Variants in ENTPD4 observed in about 807,000 individuals in gnomAD.
ENTPD4 encodes ectonucleoside triphosphate diphosphohydrolase 4.
ENTPD4 carries 60 observed loss-of-function variants against 79.1 expected under a neutral mutation model. That is an observed-to-expected ratio of 0.76 (90% CI 0.62 to 0.94). ENTPD4 has a LOEUF of 0.94. ENTPD4 is among the 40% of genes least tolerant of loss of function. The pLI is 0.00. For synonymous variants in ENTPD4, 276 were observed against 292.0 expected (o/e 0.95, Z 0.56); for missense variants, 772 against 775.1 (o/e 1.00, Z 0.05).
At chr8:23,443,028 G>A (rs1234881238) in intron 6 of ENTPD4, among the ~76,000 whole-genome samples, 1 of 152,070 alleles carries the variant, frequency 6.6e-6, no homozygotes, top group Non-Finnish European at 1.5e-5. Context: ...CCTGAGTCAA[G>A]TCCTTTCTTC....
intron 1 of ENTPD4, among the ~76,000 whole-genome samples, chr8:23,452,599 A>G (rs899644476): frequency 6.6e-6 from 1 of 152,236 alleles, no homozygotes; most frequent in Non-Finnish European, 1.5e-5. Flanking sequence ...GCCAGTCCAC[A>G]CATAAAACAC....
intron 8 of ENTPD4, among the ~76,000 whole-genome samples, chr8:23,441,216 T>C (rs1800662709): frequency 6.6e-6 from 1 of 151,862 alleles, no homozygotes; most frequent in Admixed American, 6.6e-5. Context: ...AAAAAGAATT[T>C]CCCCCAATTC....
intron 2 of ENTPD4, 146 bp downstream of exon 2, chr8:23,449,747 A>C (rs955359165): frequency 1.4e-6 from 1 of 708,892 alleles, no homozygotes; most frequent in Non-Finnish European, 2.6e-6. Flanking sequence ...AAAATACCTC[A>C]CTGGGCCCTG....
At chr8:23,454,921 A>G (rs1421622725) in intron 1 of ENTPD4, among the ~76,000 whole-genome samples, 1 of 152,238 alleles carries the variant, frequency 6.6e-6, no homozygotes, top group Non-Finnish European at 1.5e-5. Flanking sequence ...TTGTCCTTCT[A>G]GCTAAGAATC....
rs188595089 is a variant in ENTPD4 at position 23,453,837 on chromosome 8, A to T, written c.-98+3720T>A. ...TCACTAAAAAATCTATAGGATGGTC[A>T]TCATAGTATTGTGTGGAACAGCAAA... On this transcript the variant is annotated intron_variant, in intron 1 of 12. Coordinates refer to ENST00000358689, the MANE Select transcript of ENTPD4 (RefSeq NM_004901.5). Among the ~76,000 whole-genome samples, 8 of 152,368 alleles carry T rather than the reference A, an allele frequency of 5.3e-5. No individual in the cohort carries two copies. The East Asian group carries it at 1.5e-3, about 29-fold the overall frequency.
chr8:23,435,859 G>C (rs1416102146), intron 10 of ENTPD4, among the ~76,000 whole-genome samples: 2 of 152,194 alleles, frequency 1.3e-5, no homozygotes, highest in Non-Finnish European at 2.9e-5. Flanking sequence ...ACAAGCTACT[G>C]GGATAATAAC....
At chr8:23,435,813 C>A (rs1401756563) in intron 10 of ENTPD4, among the ~76,000 whole-genome samples, 1 of 152,202 alleles carries the variant, frequency 6.6e-6, no homozygotes, top group Non-Finnish European at 1.5e-5. Context: ...ATTTTAGCTA[C>A]TTCAAACTAA....
intron 12 of ENTPD4, 55 bp downstream of exon 12, chr8:23,434,262 C>T (rs1242865510): frequency 1.9e-6 from 3 of 1,600,046 alleles, no homozygotes; most frequent in South Asian, 1.1e-5. Flanking sequence ...CCATGAGGTG[C>T]TGTAACTGCA....
intron 9 of ENTPD4, among the ~76,000 whole-genome samples, chr8:23,437,532 G>C (rs560935228): frequency 3.3e-5 from 5 of 152,282 alleles, no homozygotes; most frequent in African/African-American, 1.2e-4. Context: ...CTGGCAACAA[G>C]GCCTGATGTT....
Position 23,434,450 on chromosome 8 carries a change from A to C in ENTPD4, c.1489T>G (p.Phe497Val), listed in dbSNP as rs900147203. 6.2e-7 allele frequency: 1 copy of C among 1,614,040 alleles called. No homozygotes were observed. The highest frequency in any genetic ancestry group is 1.3e-5 in the African/African-American group (1 of 74,918). The change falls in exon 12 of 13, where the codon TTT becomes GTT. Residue 497 changes from phenylalanine (F) to valine (V), a missense_variant. Coordinates refer to ENST00000358689, the MANE Select transcript of ENTPD4 (RefSeq NM_004901.5). Reference protein sequence around the residue: ...KYQCFKSAWMFEVFHRGFSFP... With the variant: ...KYQCFKSAWMVEVFHRGFSFP... ...GAAAAGCCCCTATGAAACACCTCAA[A>C]CATCCAGGCCGATTTGAAGCACTGA...
chr8:23,432,941 G>A lies in ENTPD4; in HGVS notation c.1836C>T (p.Ala612=), dbSNP rs1319534023. Residue 612 remains alanine, a synonymous_variant, in exon 13 of 13, where the codon GCC becomes GCT. Transcript: ENST00000358689. ...WMEEGLPAQN[A]PGTL ...GTGAGCTGGATCACAAGGTCCCCGG[G>A]GCATTCTGGGCGGGAAGGCCCTCCT... The A allele has an allele frequency of 3.7e-6, 6 of 1,604,334 alleles. No individual in the cohort carries two copies. In the African/African-American group the frequency reaches 4.0e-5, roughly 11 times the overall value.
At chr8:23,440,333 G>A (rs1461935600) in intron 8 of ENTPD4, among the ~76,000 whole-genome samples, 1 of 151,984 alleles carries the variant, frequency 6.6e-6, no homozygotes, top group African/African-American at 2.4e-5. Context: ...GCTTATGGAG[G>A]AACATGCTCA....
At chr8:23,441,817 C>A in intron 7 of ENTPD4, 94 bp from the exon 8 acceptor site, 1 of 1,411,912 alleles carries the variant, frequency 7.1e-7, no homozygotes. Flanking sequence ...CTATTTCAAG[C>A]ATATTCAGGC....
intron 2 of ENTPD4, 54 bp downstream of exon 2, chr8:23,449,839 T>C: frequency 6.9e-7 from 1 of 1,455,806 alleles, no homozygotes; most frequent in East Asian, 2.3e-5. Flanking sequence ...TCTCAAGACC[T>C]GTTTTTGCAT....
intron 4 of ENTPD4, 148 bp from the exon 5 acceptor site, chr8:23,444,754 C>T (rs1416886357): frequency 3.0e-6 from 2 of 677,102 alleles, no homozygotes; most frequent in Non-Finnish European, 5.1e-6. Flanking sequence ...TTCTGCAGAC[C>T]TTACTTAAAT....
At chr8:23,444,246 C>T (rs1475767416) in intron 5 of ENTPD4, among the ~76,000 whole-genome samples, 1 of 152,168 alleles carries the variant, frequency 6.6e-6, no homozygotes, top group Non-Finnish European at 1.5e-5. Context: ...TTTACCGTTG[C>T]CTATAGTCCT....
At chr8:23,441,779 T>C (rs2117288887) in intron 7 of ENTPD4, 56 bp from the exon 8 acceptor site, 1 of 1,564,614 alleles carries the variant, frequency 6.4e-7, no homozygotes, top group East Asian at 2.3e-5. Context: ...AACTGGGCTC[T>C]TCTGAAGAGT....
At chr8:23,439,028 C>T (rs971915453) in intron 9 of ENTPD4, among the ~76,000 whole-genome samples, 6 of 152,134 alleles carry the variant, frequency 3.9e-5, no homozygotes, top group Non-Finnish European at 8.8e-5. Flanking sequence ...AATAGGATAG[C>T]TTACATAACC....
At chr8:23,444,258 A>T (rs1036916106) in intron 5 of ENTPD4, among the ~76,000 whole-genome samples, 198 bp downstream of exon 5, 1 of 152,232 alleles carries the variant, frequency 6.6e-6, no homozygotes, top group African/African-American at 2.4e-5. Flanking sequence ...TATAGTCCTA[A>T]GTCAATTAAA....
Sources: allele counts gnomAD v4.1 joint callset (sites outside exome capture counted in the v4.1 genomes callset), GRCh38; gene constraint gnomAD v4.1.1; transcripts MANE v1.5; gene names NCBI Gene and HGNC (gene_info 2026-07-23, HGNC 2026-07-21).